The following ADD3 variants were observed in gnomAD, a reference collection of about 807,000 sequenced individuals.
ADD3 encodes adducin 3.
A neutral mutation model predicts 80.2 loss-of-function variants in ADD3; 25 were observed. The ratio of observed to expected loss-of-function variants is 0.31; its 90% CI spans 0.23 to 0.44. ADD3 has a LOEUF of 0.44. ADD3 is among the 20% of genes least tolerant of loss of function. The pLI is 1.00. For missense variants in ADD3, 829 were observed against 847.5 expected, an observed-to-expected ratio of 0.98 and a Z score of 0.27; for synonymous variants, 284 against 289.6, an observed-to-expected ratio of 0.98 and a Z score of 0.20.
chr10:110,088,947 C>T (rs1030253772), intron 1 of ADD3, among the ~76,000 whole-genome samples: 1 of 152,148 alleles, frequency 6.6e-6, no homozygotes, highest in Non-Finnish European at 1.5e-5. Context: ...TTTGCAGACT[C>T]AGCTCATTTT....
intron 1 of ADD3, among the ~76,000 whole-genome samples, chr10:110,051,877 A>G (rs1857553731): frequency 6.6e-6 from 1 of 152,166 alleles, no homozygotes; most frequent in Admixed American, 6.5e-5. Context: ...AACATGGCTC[A>G]CTGCAGCCTC....
chr10:110,027,786 G>GA (rs145794058), intron 1 of ADD3, among the ~76,000 whole-genome samples: 28 of 151,742 alleles, frequency 1.8e-4, no homozygotes, highest in African/African-American at 5.3e-4. Flanking sequence ...ACTTCAGAGA[G>GA]AAAAAAAACA....
rs189174762 is a variant in ADD3, at chr10:110,092,119, C to A, written c.-29-8506C>A. Among the ~76,000 whole-genome samples the A allele has an allele frequency of 1.5e-3, 233 of 152,276 alleles. 1 individual carries two copies. The highest frequency in any genetic ancestry group is 5.3e-3 in the African/African-American group (221 of 41,576). On this transcript the variant is annotated intron_variant, in intron 1 of 14. Coordinates refer to ENST00000356080, the MANE Select transcript of ADD3 (RefSeq NM_016824.5). ...TGGCGAGGTTGTGGAGAAAACGGAA[C>A]ACTTATACACTGCTGTCCAGCCACT...
Position 110,126,424 on chromosome 10 carries a change from A to G in ADD3, c.1529A>G (p.Glu510Gly), listed in dbSNP as rs1362358822. ...AATTGTTTTTCAATTCAGATTCGGGAACAAAATCGATATGACTTGAAAACA... is the reference window on the plus strand; with the variant it reads ...AATTGTTTTTCAATTCAGATTCGGGGACAAAATCGATATGACTTGAAAACA... ...EVLEKRNKIR[E>G]QNRYDLKTAG... Residue 510 changes from glutamate to glycine, a missense_variant, in exon 12 of 15, where the codon GAA becomes GGA. By Grantham distance (98) the Glu-to-Gly change is moderately conservative. Coordinates refer to ENST00000356080, the MANE Select transcript of ADD3 (RefSeq NM_016824.5). The G allele has an allele frequency of 6.2e-7, 1 of 1,613,308 alleles. No individual in the cohort carries two copies. The highest frequency in any genetic ancestry group is 1.1e-5 in the South Asian group (1 of 91,054).
At chr10:110,113,082 A>G (rs1327488264) in intron 3 of ADD3, among the ~76,000 whole-genome samples, 167 bp downstream of exon 3, 1 of 152,078 alleles carries the variant, frequency 6.6e-6, no homozygotes, top group Non-Finnish European at 1.5e-5. Flanking sequence ...TCAACCAGGC[A>G]TTTACTACAC....
intron 1 of ADD3, among the ~76,000 whole-genome samples, chr10:110,029,284 G>A (rs1025310646): frequency 1.3e-4 from 20 of 152,144 alleles, no homozygotes; most frequent in African/African-American, 3.4e-4. Context: ...ATAGATTGTC[G>A]TGATGATTAT....
chr10:110,012,878 C>T (rs1852493984), intron 1 of ADD3, among the ~76,000 whole-genome samples: 1 of 152,100 alleles, frequency 6.6e-6, no homozygotes, highest in South Asian at 2.1e-4. Flanking sequence ...GGACTACAGG[C>T]ATGAGCCACA....
chr10:110,002,317 A>C (rs901454764), upstream of ADD3, among the ~76,000 whole-genome samples: 3 of 151,932 alleles, frequency 2.0e-5, no homozygotes, highest in Non-Finnish European at 2.9e-5. Context: ...TCTGTCACCC[A>C]GGCTGGAGTG....
chr10:110,070,608 A>C (rs1388208506), intron 1 of ADD3, among the ~76,000 whole-genome samples: 2 of 152,176 alleles, frequency 1.3e-5, no homozygotes, highest in African/African-American at 4.8e-5. Context: ...ACATTTACAG[A>C]CTAGTTTTGT....
chr10:110,057,035 T>C lies in ADD3; in HGVS notation c.-29-43590T>C, dbSNP rs148830624. Among the ~76,000 whole-genome samples, 1,196 of 152,270 alleles carry C rather than the reference T, an allele frequency of 7.9e-3. 9 individuals carry two copies. Among genetic ancestry groups the C allele is most frequent in the Non-Finnish European group, 0.012 (843 of 67,992 alleles). ...GTGATACAGGGAAACTCTAGGTTCTTAACAGTTTCCAATTATTTTCTCAAG... is the reference window on the plus strand; with the variant it reads ...GTGATACAGGGAAACTCTAGGTTCTCAACAGTTTCCAATTATTTTCTCAAG... On this transcript the variant is annotated intron_variant, in intron 1 of 14. Coordinates refer to ENST00000356080, the MANE Select transcript of ADD3 (RefSeq NM_016824.5).
At chr10:110,083,098 C>T (rs888711734) in intron 1 of ADD3, among the ~76,000 whole-genome samples, 9 of 152,182 alleles carry the variant, frequency 5.9e-5, no homozygotes, top group African/African-American at 2.2e-4. Context: ...GACCCAGTTA[C>T]TTGGAGCCAA....
intron 12 of ADD3, among the ~76,000 whole-genome samples, chr10:110,128,608 A>G (rs546598621): frequency 4.0e-4 from 61 of 152,016 alleles, no homozygotes; most frequent in African/African-American, 1.2e-3. Context: ...TAGTAGAGAC[A>G]GGGTTTCACC....
At chr10:110,123,374 T>G (rs1266454336) in intron 9 of ADD3, among the ~76,000 whole-genome samples, 1 of 151,914 alleles carries the variant, frequency 6.6e-6, no homozygotes, top group Non-Finnish European at 1.5e-5. Flanking sequence ...ATTCTAACAC[T>G]TGTTGTCTTT....
At chr10:110,107,819 TA>T (rs2134008736) in intron 2 of ADD3, among the ~76,000 whole-genome samples, 1 of 152,290 alleles carries the variant, frequency 6.6e-6, no homozygotes, top group Non-Finnish European at 1.5e-5. Context: ...ATTATATATT[TA>T]TTGCTAATTT....
intron 1 of ADD3, among the ~76,000 whole-genome samples, chr10:110,017,010 T>C (rs60025647): frequency 2.0e-5 from 3 of 152,230 alleles, no homozygotes; most frequent in Non-Finnish European, 4.4e-5. Context: ...TGTAATTACT[T>C]AATTAGTAAT....
chr10:110,072,914 T>G (rs1844910595), intron 1 of ADD3, among the ~76,000 whole-genome samples: 1 of 152,160 alleles, frequency 6.6e-6, no homozygotes, highest in Non-Finnish European at 1.5e-5. Flanking sequence ...CTCTTACACC[T>G]TGGCTTTGGT....
At chr10:110,082,043 G>A (rs564304773) in intron 1 of ADD3, among the ~76,000 whole-genome samples, 96 of 152,336 alleles carry the variant, frequency 6.3e-4, no homozygotes, top group African/African-American at 2.2e-3. Flanking sequence ...AGAAGGCACT[G>A]CTGTTTCTGC....
intron 1 of ADD3, among the ~76,000 whole-genome samples, chr10:110,048,368 A>T (rs1857132045): frequency 6.6e-6 from 1 of 152,238 alleles, no homozygotes; most frequent in African/African-American, 2.4e-5. Flanking sequence ...TGCTGTAAAG[A>T]TGCCCAAAAA....
intron 1 of ADD3, among the ~76,000 whole-genome samples, chr10:110,096,784 ACTT>A (rs1848220288): frequency 6.6e-6 from 1 of 152,196 alleles, no homozygotes. Flanking sequence ...AATAGTCTCT[ACTT>A]CTTAGTGGAA....
Sources: allele counts gnomAD v4.1 joint callset (sites outside exome capture counted in the v4.1 genomes callset), GRCh38; gene constraint gnomAD v4.1.1; transcripts MANE v1.5; gene names NCBI Gene and HGNC (gene_info 2026-07-23, HGNC 2026-07-21).